The following QKI variants were observed in gnomAD, a reference collection of about 807,000 sequenced individuals.
QKI encodes the protein KH domain-containing RNA-binding protein QKI.
A neutral mutation model predicts 39.0 loss-of-function variants in QKI; 10 were observed. The ratio of observed to expected loss-of-function variants is 0.26; its 90% confidence interval spans 0.16 to 0.43. The LOEUF (loss-of-function observed/expected upper bound fraction) is 0.43. QKI is among the 20% of genes least tolerant of loss of function. QKI has a pLI of 1.00. For missense variants in QKI, 218 were observed against 428.0 expected, an observed-to-expected ratio of 0.51 and a Z score of 4.33; for synonymous variants, 204 against 155.4, an observed-to-expected ratio of 1.31 and a Z score of -2.33.
intron 3 of QKI, among the ~76,000 whole-genome samples, chr6:163,521,961 G>A (rs763589971): frequency 6.6e-6 from 1 of 152,106 alleles, no homozygotes; most frequent in African/African-American, 2.4e-5. Context: ...AGGACATCCT[G>A]CAGTGGAATT....
intron 4 of QKI, among the ~76,000 whole-genome samples, chr6:163,552,727 G>A (rs79471749): frequency 0.028 from 4,221 of 152,212 alleles, 191 homozygotes; most frequent in African/African-American, 0.096. Context: ...TCTTAAAGCT[G>A]TTGTGATTAT....
chr6:163,486,328 A>G (rs978058215), intron 3 of QKI, among the ~76,000 whole-genome samples: 1 of 152,192 alleles, frequency 6.6e-6, no homozygotes, highest in African/African-American at 2.4e-5. Flanking sequence ...TCCCAAATGT[A>G]TTTGGCCATA....
chr6:163,455,182 T>A (rs1790830611), intron 1 of QKI, 97 bp from the exon 2 acceptor site: 2 of 943,190 alleles, frequency 2.1e-6, no homozygotes, highest in Non-Finnish European at 3.1e-6. Flanking sequence ...GTTTTAATGC[T>A]TTATCAATGA....
chr6:163,570,651 T>C, intron 7 of QKI, 43 bp from the exon 8 acceptor site: 1 of 1,606,318 alleles, frequency 6.2e-7, no homozygotes, highest in Non-Finnish European at 8.5e-7. Flanking sequence ...TATCTTTTCT[T>C]TTCTTTTTTT....
At chr6:163,498,888 G>GT (rs1046843057) in intron 3 of QKI, among the ~76,000 whole-genome samples, 12 of 151,996 alleles carry the variant, frequency 7.9e-5, no homozygotes, top group Non-Finnish European at 1.3e-4. Context: ...CAGATTTTGG[G>GT]TTTTTTTGGA....
chr6:163,513,121 T>C (rs1165553200), intron 3 of QKI, among the ~76,000 whole-genome samples: 1 of 152,210 alleles, frequency 6.6e-6, no homozygotes, highest in Non-Finnish European at 1.5e-5. Flanking sequence ...ATCTTTATCA[T>C]AGGCATGTGT....
At chr6:163,493,019 T>A (rs538692478) in intron 3 of QKI, among the ~76,000 whole-genome samples, 8 of 152,336 alleles carry the variant, frequency 5.3e-5, no homozygotes, top group Admixed American at 5.2e-4. Flanking sequence ...AAAAATCTAA[T>A]CTTCCCCATT....
At chr6:163,424,985 TTAAA>T (rs1450713441) in intron 1 of QKI, among the ~76,000 whole-genome samples, 2 of 152,080 alleles carry the variant, frequency 1.3e-5, no homozygotes, top group African/African-American at 4.8e-5. Context: ...GGATAAACAA[TTAAA>T]TAAGCAAAAC....
At chr6:163,565,589 A>G in intron 6 of QKI, 1 of 997,250 alleles carries the variant, frequency 1.0e-6, no homozygotes, top group Non-Finnish European at 1.2e-6. Flanking sequence ...GACTGGTAAA[A>G]TAAAGACCAA....
intron 3 of QKI, among the ~76,000 whole-genome samples, chr6:163,518,911 A>T (rs550797551): frequency 6.6e-6 from 1 of 152,346 alleles, no homozygotes; most frequent in African/African-American, 2.4e-5. Context: ...TAGGAGGCAC[A>T]TAACAATTCT....
At chr6:163,517,730 T>A (rs1324284855) in intron 3 of QKI, among the ~76,000 whole-genome samples, 1 of 152,306 alleles carries the variant, frequency 6.6e-6, no homozygotes, top group East Asian at 1.9e-4. Context: ...TTCTGGAAAC[T>A]CTAGTTCAGC....
intron 1 of QKI, among the ~76,000 whole-genome samples, chr6:163,446,173 G>A (rs1424061549): frequency 6.6e-6 from 1 of 151,940 alleles, no homozygotes; most frequent in African/African-American, 2.4e-5. Flanking sequence ...TTTCCCCCTT[G>A]TATTTATTTA....
rs541286153 is a variant in QKI at position 163,573,957 on chromosome 6, A to G, written c.*3247A>G. ...GTTTTTATGTTGTTTGTCAGCTGAC[A>G]GTTTTGCACACTACTGTTAAAATGG... On this transcript the variant is annotated 3_prime_UTR_variant, in exon 8 of 8. Coordinates refer to ENST00000361752, the MANE Select transcript of QKI (RefSeq NM_006775.3). 2.7e-5 allele frequency: 4 copies of G among 150,910 alleles called. No homozygotes were observed. Among genetic ancestry groups the G allele is most frequent in the Non-Finnish European group, 4.4e-5 (3 of 67,850 alleles). The allele number at this position is 150,910 out of a possible 1,614,324, so 9.3% of individuals were successfully genotyped here.
At position 163,492,653 on chromosome 6, in the gene QKI, T is replaced by A. The variant is rs574667683; in HGVS notation, c.402+13757T>A. The stretch of plus-strand genomic sequence containing the variant: ...ACTAGTCACTTCAAATAGAAAAAAA[T>A]TTTCTTAAAAAATCTAATGTGAAGA... On this transcript the variant is annotated intron_variant, in intron 3 of 7. Coordinates refer to ENST00000361752, the MANE Select transcript of QKI (RefSeq NM_006775.3). 2.0e-4 allele frequency among the ~76,000 whole-genome samples: 31 copies of A among 152,202 alleles called. 1 individual carries two copies. The East Asian group carries it at 4.0e-3, about 20-fold the overall frequency.
chr6:163,511,471 AAGAG>A (rs1445795470), intron 3 of QKI, among the ~76,000 whole-genome samples: 1 of 152,094 alleles, frequency 6.6e-6, no homozygotes, highest in Non-Finnish European at 1.5e-5. Context: ...AATCCAGAAT[AAGAG>A]AGAAGACACT....
intron 3 of QKI, among the ~76,000 whole-genome samples, chr6:163,510,960 A>G (rs1196797625): frequency 1.3e-5 from 2 of 152,222 alleles, no homozygotes. Context: ...TATATCTTAC[A>G]GCTAGAGAAT....
Position 163,563,539 on chromosome 6 carries a change from A to G in QKI, c.754A>G (p.Met252Val), listed in dbSNP as rs1220927426. 1 of 1,613,978 alleles carries G rather than the reference A, an allele frequency of 6.2e-7. No individual in the cohort carries two copies. Among genetic ancestry groups the G allele is most frequent in the Non-Finnish European group, 8.5e-7 (1 of 1,180,006 alleles). ...TCCTACGCCAGCTGGCCCTACCATA[A>G]TGCCTTTGATCAGACAAATACAGAC... The part of the protein sequence containing the change: ...RTPTPAGPTI[M>V]PLIRQIQTAV... The change falls in exon 6 of 8, where the codon ATG (methionine) becomes GTG (valine). Residue 252 changes from methionine (M) to valine (V), a missense_variant. Physicochemically the swap from Met to Val is conservative, Grantham distance 21. Around this residue, in one of 3 missense-constraint regions of QKI, gnomAD observed 117 missense variants for 186.0 expected, o/e 0.63. Transcript: ENST00000361752.
At chr6:163,513,609 A>G (rs1285747103) in intron 3 of QKI, among the ~76,000 whole-genome samples, 2 of 152,186 alleles carry the variant, frequency 1.3e-5, no homozygotes, top group African/African-American at 4.8e-5. Context: ...TTCACAACAT[A>G]CAGCAATCTA....
chr6:163,515,498 T>G (rs568683549), intron 3 of QKI, among the ~76,000 whole-genome samples: 1 of 152,246 alleles, frequency 6.6e-6, no homozygotes, highest in African/African-American at 2.4e-5. Context: ...GATGGAAATA[T>G]AAATTGTGGT....
Sources: allele counts gnomAD v4.1 joint callset (sites outside exome capture counted in the v4.1 genomes callset), GRCh38; gene constraint gnomAD v4.1.1; regional missense constraint gnomAD v4.1.1; transcripts MANE v1.5; gene names NCBI Gene and HGNC (gene_info 2026-07-23, HGNC 2026-07-21).